The following LMF1 variants were observed in gnomAD, a reference collection of about 807,000 sequenced individuals.
LMF1 encodes transmembrane protein 112.
A neutral mutation model predicts 60.6 loss-of-function variants in LMF1; 68 were observed. The observed-to-expected ratio is 1.12, with a 90% CI of 0.92 to 1.37. The LOEUF (loss-of-function observed/expected upper bound fraction) is 1.37, where lower values mean the gene tolerates loss of function less well. LMF1 is among the 40% of genes most tolerant of loss of function. The pLI is 0.00. For synonymous variants in LMF1, 418 were observed against 324.7 expected, an observed-to-expected ratio of 1.29 and a Z score of -3.09; for missense variants, 948 against 767.2, an observed-to-expected ratio of 1.24 and a Z score of -2.78.
At chr16:976,876 G>T (rs2073162469) in intron 1 of LMF1, 1 of 454,152 alleles carries the variant, frequency 2.2e-6, no homozygotes, top group Non-Finnish European at 4.4e-6. Context: ...GGGGTCCCCA[G>T]CGGTCAGTAG....
intron 2 of LMF1, among the ~76,000 whole-genome samples, chr16:953,916 CCCCAAACCAGCTTCCTACACG>C (rs1567311602): frequency 1.9e-5 from 2 of 106,064 alleles, no homozygotes; most frequent in African/African-American, 7.1e-5. Context: ...CAGACACCCA[CCCCAAACCAGCTTCCTACACG>C]TCCACACAGA....
upstream of LMF1, among the ~76,000 whole-genome samples, chr16:975,031 A>T (rs546307662): frequency 3.6e-4 from 55 of 152,126 alleles, no homozygotes; most frequent in African/African-American, 1.1e-3. Flanking sequence ...CCCACCCCCC[A>T]CGTGAGGCTG....
chr16:970,166 G>T (rs1042855403), intron 1 of LMF1, among the ~76,000 whole-genome samples: 14 of 152,260 alleles, frequency 9.2e-5, no homozygotes, highest in African/African-American at 2.9e-4. Context: ...GAACACTAAA[G>T]GAGAAACTCC....
chr16:915,464 G>C (rs2151760406), intron 3 of LMF1, among the ~76,000 whole-genome samples: 1 of 152,344 alleles, frequency 6.6e-6, no homozygotes, highest in South Asian at 2.1e-4. Context: ...AGAGGTTGAG[G>C]AGGGACCCTC....
chr16:941,633 C>T (rs1039437634), intron 2 of LMF1, among the ~76,000 whole-genome samples: 3 of 152,140 alleles, frequency 2.0e-5, no homozygotes, highest in South Asian at 2.1e-4. Context: ...CCTGGTTTTT[C>T]GTCCTGTTCC....
chr16:935,886 G>A (rs2071928227), intron 2 of LMF1, among the ~76,000 whole-genome samples: 2 of 152,156 alleles, frequency 1.3e-5, no homozygotes, highest in African/African-American at 2.4e-5. Context: ...CATGACAAAC[G>A]ACATCTGAGC....
intron 5 of LMF1, 107 bp downstream of exon 5, chr16:892,898 CCT>C: frequency 2.4e-6 from 2 of 824,590 alleles, no homozygotes; most frequent in Non-Finnish European, 3.8e-6. Context: ...TGGGGGTGAC[CCT>C]GTGATGCGAC....
chr16:974,747 C>T (rs538167505), upstream of LMF1, among the ~76,000 whole-genome samples: 3 of 152,356 alleles, frequency 2.0e-5, no homozygotes, highest in African/African-American at 7.2e-5. Context: ...GTCGGCACCT[C>T]GTCCAGCTGT....
At chr16:937,118 T>A (rs9328931) in intron 2 of LMF1, among the ~76,000 whole-genome samples, 1 of 151,718 alleles carries the variant, frequency 6.6e-6, no homozygotes, top group Non-Finnish European at 1.5e-5. Flanking sequence ...TGTTCGAAAA[T>A]GCATTCTTCT....
chr16:892,400 A>AGGCCCCAGACC (rs2070515855), intron 5 of LMF1, among the ~76,000 whole-genome samples: 1 of 152,188 alleles, frequency 6.6e-6, no homozygotes, highest in African/African-American at 2.4e-5. Context: ...TCCAAGCTCC[A>AGGCCCCAGACC]GGCCCCAGAC....
intron 6 of LMF1, among the ~76,000 whole-genome samples, chr16:877,393 C>T (rs769131822): frequency 3.9e-5 from 6 of 152,270 alleles, no homozygotes; most frequent in Middle Eastern, 3.4e-3. Flanking sequence ...ACCCTGGCGG[C>T]GCAGGTGGCC....
rs2069767850 is a variant in LMF1 at position 870,899 on chromosome 16, A to G, written c.1079-17T>C. On this transcript the variant is annotated splice_polypyrimidine_tract_variant and intron_variant, in intron 7 of 10. Coordinates refer to ENST00000262301, the MANE Select transcript of LMF1 (RefSeq NM_022773.4). ...CCACGGAGCCTGGCAGGGGAGTGAC[A>G]TCTTCCAGGTGGGGCTCCCAGCTGC... The G allele has an allele frequency of 6.3e-7, 1 of 1,594,566 alleles. No individual in the cohort carries two copies. The highest frequency in any genetic ancestry group is 1.7e-4 in the Middle Eastern group (1 of 5,996).
At chr16:941,189 T>A (rs1597039614) in intron 2 of LMF1, among the ~76,000 whole-genome samples, 1 of 152,174 alleles carries the variant, frequency 6.6e-6, no homozygotes, top group East Asian at 1.9e-4. Flanking sequence ...ATTTAAAGCA[T>A]AGCTCTTGAA....
intron 4 of LMF1, among the ~76,000 whole-genome samples, chr16:909,685 G>A (rs1219840555): frequency 6.6e-6 from 1 of 152,208 alleles, no homozygotes; most frequent in African/African-American, 2.4e-5. Context: ...CGTGGCCAGT[G>A]CTGTCTTAGG....
At chr16:876,162 G>A (rs1024879115) in intron 6 of LMF1, among the ~76,000 whole-genome samples, 3 of 152,252 alleles carry the variant, frequency 2.0e-5, no homozygotes, top group African/African-American at 7.2e-5. Context: ...CGGGGCACGT[G>A]CGGACCACGG....
chr16:934,083 C>T (rs781118967), intron 3 of LMF1, 161 bp downstream of exon 3: 10 of 1,522,882 alleles, frequency 6.6e-6, no homozygotes, highest in South Asian at 6.0e-5. Context: ...GGAGGAGGCA[C>T]GGATCAGATC....
At chr16:896,220 G>A (rs1300962206) in intron 4 of LMF1, among the ~76,000 whole-genome samples, 1 of 140,240 alleles carries the variant, frequency 7.1e-6, no homozygotes, top group Non-Finnish European at 1.5e-5. Context: ...GGGTTGTGAG[G>A]CTCAGCCACC....
intron 2 of LMF1, 26 bp downstream of exon 2, chr16:954,331 C>T: frequency 6.2e-7 from 1 of 1,604,426 alleles, no homozygotes; most frequent in South Asian, 1.1e-5. Context: ...GCCCTAAGCT[C>T]CGACCGCCCC....
chr16:950,620 GACA>G (rs1313149797), intron 2 of LMF1, among the ~76,000 whole-genome samples: 2 of 142,544 alleles, frequency 1.4e-5, no homozygotes, highest in Admixed American at 7.0e-5. Context: ...CAGAGTTAGA[GACA>G]ACGACAGAGT....
Sources: gnomAD v4.1 joint callset for allele counts (sites outside exome capture counted in the v4.1 genomes callset) on GRCh38, gnomAD v4.1.1 for gene constraint, MANE v1.5 for transcripts, NCBI Gene and HGNC (gene_info 2026-07-23, HGNC 2026-07-21) for gene names.